Variants in SYNRG observed in about 807,000 individuals in gnomAD.
The protein encoded by SYNRG is synergin gamma, also known as AP1 gamma subunit binding protein 1.
A neutral mutation model predicts 130.9 loss-of-function variants in SYNRG; 37 were observed. The ratio of observed to expected loss-of-function variants is 0.28; its 90% confidence interval spans 0.22 to 0.37. The LOEUF (loss-of-function observed/expected upper bound fraction) is 0.37, where lower values mean the gene tolerates loss of function less well. Ranked by LOEUF, SYNRG falls within the 10% of genes least tolerant of loss-of-function variation. The pLI, the probability that SYNRG is intolerant of heterozygous loss-of-function variation, is 1.00. For synonymous variants in SYNRG, 539 were observed against 568.1 expected, an observed-to-expected ratio of 0.95 and a Z score of 0.73; for missense variants, 1,338 against 1,588.9, an observed-to-expected ratio of 0.84 and a Z score of 2.68.
chr17:37,581,756 A>AT (rs975022037), intron 6 of SYNRG, among the ~76,000 whole-genome samples: 1 of 87,684 alleles, frequency 1.1e-5, no homozygotes, highest in Non-Finnish European at 2.3e-5. Context: ...CTGGCCCCAC[A>AT]TTTTTTTTCT....
intron 14 of SYNRG, among the ~76,000 whole-genome samples, chr17:37,547,285 T>C (rs2058356170): frequency 6.6e-6 from 1 of 152,206 alleles, no homozygotes; most frequent in Non-Finnish European, 1.5e-5. Context: ...GGCCAAGGAA[T>C]GGTGTCAGGA....
intron 1 of SYNRG, among the ~76,000 whole-genome samples, chr17:37,603,921 A>G (rs1007741872): frequency 1.3e-5 from 2 of 152,130 alleles, no homozygotes; most frequent in African/African-American, 2.4e-5. Flanking sequence ...TCTAGCTAGG[A>G]AAGTCTTAGA....
Position 37,518,076 on chromosome 17 carries a change from T to C in SYNRG, c.*864A>G, listed in dbSNP as rs2054563555. On this transcript the variant is annotated 3_prime_UTR_variant, in exon 22 of 22. Coordinates refer to ENST00000612223, the MANE Select transcript of SYNRG (RefSeq NM_007247.6). ...CAGATACTGCAAAGTCAGGCAGTGT[T>C]GGTCCCTATGCAGTCATCTTTGGAA... 6.6e-6 allele frequency: 1 copy of C among 152,240 alleles called. No homozygotes were observed. The allele number at this position is 152,240 out of a possible 1,614,324, so 9.4% of individuals were successfully genotyped here.
rs530693398 is a variant in SYNRG at position 37,569,409 on chromosome 17, GA to G, written c.1348-486del. On this transcript the variant is annotated intron_variant, in intron 10 of 21. Coordinates refer to ENST00000612223, the MANE Select transcript of SYNRG (RefSeq NM_007247.6). ...TGGGCGACAGAGCAAGACTCTGGCT[GA>G]AAAAAAAAAAAAAAAAAAGCTAATC... 4.7e-3 allele frequency among the ~76,000 whole-genome samples: 280 copies of G among 59,410 alleles called. 1 individual carries two copies. The highest frequency in any genetic ancestry group is 0.012 in the African/African-American group (180 of 14,718). 39.0% of individuals were successfully genotyped at this position (59,410 alleles called of 152,430 possible). A position where few individuals can be genotyped will look rare whatever the true frequency, so the allele number is the denominator to read the frequency against.
At chr17:37,548,421 C>T (rs1440317850) in intron 14 of SYNRG, among the ~76,000 whole-genome samples, 1 of 152,180 alleles carries the variant, frequency 6.6e-6, no homozygotes, top group African/African-American at 2.4e-5. Context: ...GCAGGCCTGG[C>T]TTTTCTCAGA....
At chr17:37,579,304 C>G (rs1322219280) in intron 6 of SYNRG, 1 of 1,303,956 alleles carries the variant, frequency 7.7e-7, no homozygotes, top group Admixed American at 2.3e-5. Flanking sequence ...ACTGAAAGGG[C>G]TGGGACGTGG....
intron 18 of SYNRG, among the ~76,000 whole-genome samples, chr17:37,537,769 G>C (rs1288292724): frequency 1.3e-5 from 2 of 152,218 alleles, no homozygotes; most frequent in Non-Finnish European, 2.9e-5. Context: ...AGAGATGGAT[G>C]CTAGGAAAGA....
intron 6 of SYNRG, among the ~76,000 whole-genome samples, chr17:37,578,031 C>T (rs1242157102): frequency 6.6e-6 from 1 of 151,684 alleles, no homozygotes; most frequent in East Asian, 2.0e-4. Context: ...GGCCCTGCCA[C>T]GTATAATGTA....
chr17:37,528,254 C>G (rs1488908973), intron 19 of SYNRG, among the ~76,000 whole-genome samples: 1 of 152,162 alleles, frequency 6.6e-6, no homozygotes, highest in African/African-American at 2.4e-5. Context: ...TCAAAGCCAG[C>G]AGGTAGCATC....
At chr17:37,590,292 T>A (rs912329100) in intron 3 of SYNRG, among the ~76,000 whole-genome samples, 1 of 152,132 alleles carries the variant, frequency 6.6e-6, no homozygotes, top group Non-Finnish European at 1.5e-5. Flanking sequence ...TCTGTCTTAA[T>A]TTTGACACAA....
intron 11 of SYNRG, among the ~76,000 whole-genome samples, chr17:37,565,758 C>T (rs1300590925): frequency 4.7e-5 from 7 of 149,624 alleles, no homozygotes; most frequent in South Asian, 2.1e-4. Context: ...AGGTGAGGAG[C>T]GTCTCTGCCC....
intron 2 of SYNRG, 69 bp from the exon 3 acceptor site, chr17:37,596,413 TA>T: frequency 6.4e-7 from 1 of 1,565,050 alleles, no homozygotes; most frequent in Non-Finnish European, 8.7e-7. Flanking sequence ...CATAAGTACC[TA>T]AAGGACTTGT....
intron 11 of SYNRG, among the ~76,000 whole-genome samples, chr17:37,562,440 G>T (rs2059608977): frequency 6.6e-6 from 1 of 151,786 alleles, no homozygotes; most frequent in Non-Finnish European, 1.5e-5. Context: ...GCAGCTCCCT[G>T]GAAGAACCAC....
At chr17:37,596,778 T>C (rs1339397647) in intron 2 of SYNRG, among the ~76,000 whole-genome samples, 2 of 152,100 alleles carry the variant, frequency 1.3e-5, no homozygotes, top group Admixed American at 6.6e-5. Context: ...TTTTTTTTTC[T>C]TTTGAGACAG....
chr17:37,594,919 G>A (rs989432874), intron 3 of SYNRG, among the ~76,000 whole-genome samples: 3 of 152,308 alleles, frequency 2.0e-5, no homozygotes, highest in East Asian at 3.9e-4. Context: ...ACATCACAGG[G>A]TTTGGCCATC....
chr17:37,595,918 G>T (rs544966112), intron 3 of SYNRG, among the ~76,000 whole-genome samples: 3 of 152,008 alleles, frequency 2.0e-5, no homozygotes, highest in Non-Finnish European at 4.4e-5. Context: ...CCACGCCCAG[G>T]TAATTTTTGT....
intron 19 of SYNRG, among the ~76,000 whole-genome samples, chr17:37,531,886 C>T (rs1285684094): frequency 6.6e-6 from 1 of 152,190 alleles, no homozygotes; most frequent in Admixed American, 6.5e-5. Flanking sequence ...GTCATTCAAA[C>T]TTCGTGCTCC....
chr17:37,539,075 G>A (rs2057483080), intron 17 of SYNRG, 117 bp downstream of exon 17: 1 of 1,517,940 alleles, frequency 6.6e-7, no homozygotes, highest in Non-Finnish European at 8.8e-7. Flanking sequence ...TCTTTGCCCA[G>A]GGACATCCAA....
At chr17:37,582,542 G>A (rs576736475) in intron 6 of SYNRG, among the ~76,000 whole-genome samples, 1 of 152,120 alleles carries the variant, frequency 6.6e-6, no homozygotes, top group African/African-American at 2.4e-5. Context: ...TAGCAGCTAG[G>A]TATATGATTA....
Sources: allele counts gnomAD v4.1 joint callset (sites outside exome capture counted in the v4.1 genomes callset), GRCh38; gene constraint gnomAD v4.1.1; transcripts MANE v1.5; gene names NCBI Gene and HGNC (gene_info 2026-07-23, HGNC 2026-07-21).